Variants in PTPN9 observed in about 807,000 individuals in gnomAD.
PTPN9 encodes the protein protein tyrosine phosphatase non-receptor type 9, also known as tyrosine-protein phosphatase non-receptor type 9.
PTPN9 carries 26 observed loss-of-function variants against 69.8 expected under a neutral mutation model. The ratio of observed to expected loss-of-function variants is 0.37; its 90% confidence interval spans 0.27 to 0.52. PTPN9 has a LOEUF of 0.52. PTPN9 is among the 20% of genes least tolerant of loss of function. The pLI is 0.91. For synonymous variants in PTPN9, 274 were observed against 272.5 expected (o/e 1.01, Z -0.05); for missense variants, 549 against 740.3 (o/e 0.74, Z 3.00).
chr15:75,535,428 C>A (rs2074978812), intron 1 of PTPN9, among the ~76,000 whole-genome samples: 1 of 152,206 alleles, frequency 6.6e-6, no homozygotes, highest in Admixed American at 6.5e-5. Context: ...ACTTCTCTGG[C>A]AGCTCCAGAG....
In PTPN9 at chr15:75,508,085, G is replaced by A. The variant is rs190853059; in HGVS notation, c.639+832C>T. On this transcript the variant is annotated intron_variant, in intron 6 of 12. Coordinates refer to ENST00000618819, the MANE Select transcript of PTPN9 (RefSeq NM_002833.4). ...AAAAAGAAAAGCTCTCTCCTACTCT[G>A]CGTCATTAGGTCTCTAAGCAGCTTC... Among the ~76,000 whole-genome samples the A allele has an allele frequency of 1.1e-4, 16 of 148,830 alleles. No homozygotes were observed. In the East Asian group the frequency reaches 1.2e-3, roughly 11 times the overall value.
intron 1 of PTPN9, among the ~76,000 whole-genome samples, chr15:75,577,530 CA>C (rs2075179065): frequency 6.6e-6 from 1 of 152,162 alleles, no homozygotes; most frequent in African/African-American, 2.4e-5. Context: ...CACCAGGTGT[CA>C]AAAGACAAAA....
chr15:75,577,493 T>A (rs536473688), intron 1 of PTPN9, among the ~76,000 whole-genome samples: 1 of 152,304 alleles, frequency 6.6e-6, no homozygotes, highest in Non-Finnish European at 1.5e-5. Flanking sequence ...GAATTCTTTT[T>A]AAATTTTTTT....
chr15:75,494,439 G>A (rs1192709419), intron 7 of PTPN9, among the ~76,000 whole-genome samples: 6 of 151,700 alleles, frequency 4.0e-5, no homozygotes, highest in South Asian at 2.1e-4. Context: ...TGCAACCTCC[G>A]CCTCCCAGGT....
At chr15:75,489,382 A>G (rs1455273701) in intron 8 of PTPN9, among the ~76,000 whole-genome samples, 3 of 152,086 alleles carry the variant, frequency 2.0e-5, no homozygotes. Flanking sequence ...TGAGCACAAG[A>G]GTTCAAGACC....
At chr15:75,471,208 G>A (rs1411406748) in intron 10 of PTPN9, among the ~76,000 whole-genome samples, 6 of 152,014 alleles carry the variant, frequency 3.9e-5, no homozygotes, top group African/African-American at 1.5e-4. Context: ...GGTTTAGGCA[G>A]GAGAATCACC....
chr15:75,561,296 C>T (rs1258998559), intron 1 of PTPN9, among the ~76,000 whole-genome samples: 1 of 149,500 alleles, frequency 6.7e-6, no homozygotes, highest in African/African-American at 2.5e-5. Context: ...GCCTGGGCAA[C>T]AAGAACAAAA....
chr15:75,535,764 C>CT (rs1375283973), intron 1 of PTPN9, among the ~76,000 whole-genome samples: 12 of 152,218 alleles, frequency 7.9e-5, no homozygotes, highest in African/African-American at 2.9e-4. Context: ...TGATTACTGC[C>CT]TTTTTATATC....
At position 75,469,849 on chromosome 15, in the gene PTPN9, C is replaced by T. The variant is rs1469707293; in HGVS notation, c.1510G>A (p.Gly504Arg). Residue 504 changes from glycine (G) to arginine (R), a missense_variant, in exon 12 of 13, where the codon GGG becomes AGG. By Grantham distance (125) the Gly-to-Arg change is moderately radical (BLOSUM62 -2). Coordinates refer to ENST00000618819, the MANE Select transcript of PTPN9 (RefSeq NM_002833.4). The stretch of plus-strand genomic sequence containing the variant: ...ACAATGGGTGGCTCAGGGCACTGCC[C>T]TTTGGAGCGTGCTCCCATGTTGCTC... ...AVSNMGARSK[G>R]QCPEPPIVVH... is the part of the protein sequence containing the mutation. The T allele has an allele frequency of 3.1e-6, 5 of 1,613,882 alleles. No individual in the cohort carries two copies. Among genetic ancestry groups the T allele is most frequent in the Non-Finnish European group, 4.2e-6 (5 of 1,180,046 alleles).
intron 5 of PTPN9, among the ~76,000 whole-genome samples, chr15:75,516,548 G>A (rs1343523175): frequency 1.3e-5 from 2 of 149,904 alleles, no homozygotes; most frequent in Non-Finnish European, 3.0e-5. Flanking sequence ...TCCTGACCTC[G>A]TGATCCGTCC....
chr15:75,525,998 CTTTCT>C (rs1220440426), intron 2 of PTPN9, among the ~76,000 whole-genome samples: 1 of 151,152 alleles, frequency 6.6e-6, no homozygotes, highest in African/African-American at 2.4e-5. Flanking sequence ...TTTATTTTCT[CTTTCT>C]TTTTTTTTTT....
chr15:75,537,443 TA>T (rs71140168), intron 1 of PTPN9, among the ~76,000 whole-genome samples: 1,758 of 20,220 alleles, frequency 0.087, 10 homozygotes, highest in Non-Finnish European at 0.1. Flanking sequence ...ATATCTTCCC[TA>T]AAAAAAAAAA....
chr15:75,570,581 G>A (rs2075144412), intron 1 of PTPN9, among the ~76,000 whole-genome samples: 1 of 151,734 alleles, frequency 6.6e-6, no homozygotes, highest in Non-Finnish European at 1.5e-5. Flanking sequence ...ACCAGCCTGG[G>A]CAACATGGTA....
intron 9 of PTPN9, among the ~76,000 whole-genome samples, chr15:75,475,846 A>G (rs955811007): frequency 1.3e-4 from 20 of 152,198 alleles, no homozygotes; most frequent in African/African-American, 4.6e-4. Flanking sequence ...TAATTAAATT[A>G]TGACGTATCA....
chr15:75,578,624 G>A, intron 1 of PTPN9, 90 bp downstream of exon 1: 2 of 1,069,348 alleles, frequency 1.9e-6, no homozygotes. Context: ...CGGCCCCGTG[G>A]CTGCAAAGAG....
rs778963922 is a variant in PTPN9, at chr15:75,479,859, A to G, written c.1118T>C (p.Ile373Thr). 2.5e-6 allele frequency: 4 copies of G among 1,610,136 alleles called. No homozygotes were observed. Among genetic ancestry groups the G allele is most frequent in the East Asian group, 4.5e-5 (2 of 44,816 alleles). The change falls in exon 9 of 13, where the codon ATT becomes ACT. Residue 373 changes from isoleucine (I) to threonine (T), a missense_variant. Physicochemically the swap from Ile to Thr is moderately conservative, Grantham distance 89. Transcript: ENST00000618819. ...MDGYKQKNAYIGTQGPLENTY... is the reference protein window; with the variant it reads ...MDGYKQKNAYTGTQGPLENTY... ...ACGGACCAGCTTACCTTGTGTGCCA[A>G]TGTAAGCATTCTTCTGCTTGTAGCC...
chr15:75,577,997 C>T (rs186117840), intron 1 of PTPN9, among the ~76,000 whole-genome samples: 3 of 152,140 alleles, frequency 2.0e-5, no homozygotes, highest in African/African-American at 7.2e-5. Context: ...CCACTTCCTT[C>T]TGAAAACTAA....
rs1249983656 is a variant in PTPN9 at position 75,539,535 on chromosome 15, T to C, written c.64-12274A>G. 2.8e-5 allele frequency among the ~76,000 whole-genome samples: 4 copies of C among 141,354 alleles called. No homozygotes were observed. The East Asian group carries it at 8.9e-4, about 31-fold the overall frequency. 92.7% of individuals were successfully genotyped at this position (141,354 alleles called of 152,430 possible). On this transcript the variant is annotated intron_variant, in intron 1 of 12. Transcript: ENST00000618819. Reference sequence around the variant, plus strand: ...GTTGGCCAGACTGGTCTCGAACTCCTGACCTCATGATCCGCCCGCCTCAGC... The same window carrying C: ...GTTGGCCAGACTGGTCTCGAACTCCCGACCTCATGATCCGCCCGCCTCAGC...
chr15:75,573,718 T>C (rs2075159248), intron 1 of PTPN9, among the ~76,000 whole-genome samples: 1 of 152,256 alleles, frequency 6.6e-6, no homozygotes, highest in Admixed American at 6.5e-5. Flanking sequence ...TCAGTCATTA[T>C]GCTAGGCAAT....
Sources: gnomAD v4.1 joint callset for allele counts (sites outside exome capture counted in the v4.1 genomes callset) on GRCh38, gnomAD v4.1.1 for gene constraint, MANE v1.5 for transcripts, NCBI Gene and HGNC (gene_info 2026-07-23, HGNC 2026-07-21) for gene names.